The following PCDHGA3 variants were observed in gnomAD, a reference collection of about 807,000 sequenced individuals.
PCDHGA3 encodes the protein protocadherin gamma-A3.
In PCDHGA3, 40 loss-of-function variants were observed where a neutral mutation model predicts 58.5. The ratio of observed to expected loss-of-function variants is 0.68; its 90% CI spans 0.53 to 0.89. The LOEUF is 0.89. PCDHGA3 is among the 40% of genes least tolerant of loss of function. The pLI is 0.00. For missense variants in PCDHGA3, 1,223 were observed against 1,195.9 expected (o/e 1.02, Z -0.33); for synonymous variants, 530 against 525.7 (o/e 1.01, Z -0.11).
At chr5:141,468,409 A>G (rs183146641) in intron 1 of PCDHGA3, 1 of 152,230 alleles carries the variant, frequency 6.6e-6, no homozygotes, top group East Asian at 1.9e-4. Flanking sequence ...AACTAATAAT[A>G]AGTTAGATAG....
intron 1 of PCDHGA3, chr5:141,371,329 G>A: frequency 6.2e-7 from 1 of 1,613,968 alleles, no homozygotes; most frequent in Non-Finnish European, 8.5e-7. Flanking sequence ...TTTGAAGAGA[G>A]AGATAGCTAC....
chr5:141,355,703 AG>A, intron 1 of PCDHGA3: 1 of 1,614,000 alleles, frequency 6.2e-7, no homozygotes, highest in Non-Finnish European at 8.5e-7. Context: ...AACTCCCTGC[AG>A]GGTTACCAGC....
Position 141,431,634 on chromosome 5 carries a change from T to C in PCDHGA3, c.2425-63173T>C. 2.5e-6 allele frequency: 4 copies of C among 1,614,238 alleles called. No homozygotes were observed. Among genetic ancestry groups the C allele is most frequent in the Non-Finnish European group, 3.4e-6 (4 of 1,180,044 alleles). ...GTGGACGACAAGGCGGCCCAAGTTTTCAAACTAGATTGTAATTCAGGGACA... is the reference window on the plus strand; with the variant it reads ...GTGGACGACAAGGCGGCCCAAGTTTCCAAACTAGATTGTAATTCAGGGACA... On this transcript the variant is annotated intron_variant, in intron 1 of 3. Coordinates refer to ENST00000253812, the MANE Select transcript of PCDHGA3 (RefSeq NM_018916.4). The surrounding 1 kb of genome is among the most constrained non-coding windows in gnomAD (Gnocchi z 4.8).
At chr5:141,404,221 T>C (rs1028021504) in intron 1 of PCDHGA3, 2 of 1,613,766 alleles carry the variant, frequency 1.2e-6, no homozygotes, top group Non-Finnish European at 1.7e-6. Context: ...TCACGGTGAC[T>C]GCAACAGACA....
intron 1 of PCDHGA3, chr5:141,372,953 CTTTG>C: frequency 6.7e-6 from 5 of 745,132 alleles, no homozygotes; most frequent in South Asian, 2.1e-5. Context: ...CTAGGAAATT[CTTTG>C]TAGAATTTCC....
intron 1 of PCDHGA3, chr5:141,421,544 A>G (rs2096582597): frequency 6.2e-7 from 1 of 1,613,912 alleles, no homozygotes; most frequent in African/African-American, 1.3e-5. Context: ...TGTTTTTTAA[A>G]TATGGAACTT....
In PCDHGA3 at chr5:141,477,018, C is replaced by T. The variant is rs2099403540; in HGVS notation, c.2425-17789C>T. The T allele has an allele frequency of 3.1e-6, 5 of 1,614,262 alleles. No homozygotes were observed. Among genetic ancestry groups the T allele is most frequent in the Non-Finnish European group, 4.2e-6 (5 of 1,180,048 alleles). ...CAACTATTCGCCTTAGACCTTGTAA[C>T]CGGGATGCTGACAATCAAGGGTCGG... On this transcript the variant is annotated intron_variant, in intron 1 of 3. Coordinates refer to ENST00000253812, the MANE Select transcript of PCDHGA3 (RefSeq NM_018916.4). The surrounding 1 kb of genome is among the most constrained non-coding windows in gnomAD (Gnocchi z 4.9).
At chr5:141,505,296 G>A (rs1174492966) in intron 2 of PCDHGA3, 97 bp from the exon 3 acceptor site, 1 of 1,584,850 alleles carries the variant, frequency 6.3e-7, no homozygotes, top group Non-Finnish European at 8.6e-7. Context: ...ATGGGGTAGG[G>A]TTAGGGTACT....
intron 1 of PCDHGA3, among the ~76,000 whole-genome samples, chr5:141,482,529 GC>G (rs1229840218): frequency 3.6e-5 from 2 of 56,040 alleles, no homozygotes; most frequent in Non-Finnish European, 5.8e-5. Context: ...AGACAGACAT[GC>G]AAAAAAAAAA....
At chr5:141,426,946 C>T (rs565370434) in intron 1 of PCDHGA3, 5 of 456,668 alleles carry the variant, frequency 1.1e-5, no homozygotes, top group Non-Finnish European at 2.2e-5. Context: ...CCAGTCCCAA[C>T]TGGCACTGCT....
intron 1 of PCDHGA3, chr5:141,378,634 T>C (rs1775059163): frequency 6.6e-6 from 1 of 152,196 alleles, no homozygotes; most frequent in African/African-American, 2.4e-5. Context: ...GACTGGTGAA[T>C]GGGAGAACAA....
chr5:141,457,877 C>A (rs1488774514), intron 1 of PCDHGA3, among the ~76,000 whole-genome samples: 1 of 152,196 alleles, frequency 6.6e-6, no homozygotes, highest in Admixed American at 6.6e-5. Context: ...AGGTTAGGAA[C>A]CCTGTGTGGG....
chr5:141,393,543 C>T lies in PCDHGA3; in HGVS notation c.2424+47086C>T, dbSNP rs763455922. On this transcript the variant is annotated intron_variant, in intron 1 of 3. Coordinates refer to ENST00000253812, the MANE Select transcript of PCDHGA3 (RefSeq NM_018916.4). ...AAATGACAATGCCCCGGTTTTTCCT[C>T]ACCCGATTTACCGAGTGAAAGTCCT... is the stretch of plus-strand genomic sequence containing the variant. 7 of 1,613,870 alleles carry T rather than the reference C, an allele frequency of 4.3e-6. No individual in the cohort carries two copies. In the Admixed American group the frequency reaches 8.3e-5, roughly 19 times the overall value.
Position 141,376,444 on chromosome 5 carries a change from A to G in PCDHGA3, c.2424+29987A>G, listed in dbSNP as rs755915739. On this transcript the variant is annotated intron_variant, in intron 1 of 3. Coordinates refer to ENST00000253812, the MANE Select transcript of PCDHGA3 (RefSeq NM_018916.4). Reference sequence around the variant, plus strand: ...TTATCAACCAGGAGAGCTATGAGAAAAGCGAGCCTCTTCTGATAACTCAGG... The same window carrying G: ...TTATCAACCAGGAGAGCTATGAGAAGAGCGAGCCTCTTCTGATAACTCAGG... 3.1e-6 allele frequency: 5 copies of G among 1,614,096 alleles called. No homozygotes were observed. The East Asian group carries it at 8.9e-5, about 29-fold the overall frequency.
chr5:141,370,932 T>A, intron 1 of PCDHGA3: 1 of 1,613,926 alleles, frequency 6.2e-7, no homozygotes, highest in Admixed American at 1.7e-5. Flanking sequence ...GCACTTCTCT[T>A]TGATTCAGAA....
intron 1 of PCDHGA3, chr5:141,355,278 C>T (rs1759782758): frequency 6.2e-7 from 1 of 1,613,742 alleles, no homozygotes; most frequent in Non-Finnish European, 8.5e-7. Context: ...TGGTGGAAAT[C>T]AGGGCCGAAC....
At chr5:141,454,047 T>C (rs896373946) in intron 1 of PCDHGA3, among the ~76,000 whole-genome samples, 6 of 152,122 alleles carry the variant, frequency 3.9e-5, no homozygotes, top group African/African-American at 7.2e-5. Flanking sequence ...AAGATAAAAG[T>C]GCAGCAAAGA....
intron 1 of PCDHGA3, among the ~76,000 whole-genome samples, chr5:141,373,589 GTGA>G (rs1348028052): frequency 6.6e-6 from 1 of 152,242 alleles, no homozygotes; most frequent in Non-Finnish European, 1.5e-5. Flanking sequence ...GTGGTGAAAT[GTGA>G]TGATAATTCA....
chr5:141,455,494 T>C (rs1223531150), intron 1 of PCDHGA3, among the ~76,000 whole-genome samples: 2 of 152,214 alleles, frequency 1.3e-5, no homozygotes, highest in African/African-American at 4.8e-5. Context: ...AGGTGATGTC[T>C]GATTTGCATA....
Sources: gnomAD v4.1 joint callset for allele counts (sites outside exome capture counted in the v4.1 genomes callset) on GRCh38, gnomAD v4.1.1 for gene constraint, Gnocchi (gnomAD v3.1) non-coding constraint, MANE v1.5 for transcripts, NCBI Gene and HGNC (gene_info 2026-07-23, HGNC 2026-07-21) for gene names.